TENM2: variants seen among roughly 807,000 people sequenced by gnomAD.
The protein encoded by TENM2 is teneurin transmembrane protein 2.
A neutral mutation model predicts 245.2 loss-of-function variants in TENM2; 52 were observed. That is an observed-to-expected ratio of 0.21 (90% confidence interval 0.17 to 0.27). The LOEUF is 0.27. Among genes scored for constraint, TENM2 ranks in the 10% least tolerant of loss-of-function variants. The pLI is 1.00. For missense variants in TENM2, 3,046 were observed against 3,666.8 expected, an observed-to-expected ratio of 0.83 and a Z score of 4.37; for synonymous variants, 1,363 against 1,438.9, an observed-to-expected ratio of 0.95 and a Z score of 1.19.
Position 167,388,083 on chromosome 5 carries a change from A to G in TENM2, c.502+12610A>G, listed in dbSNP as rs557387045. On this transcript the variant is annotated intron_variant, in intron 2 of 28. Coordinates refer to ENST00000518659, the Ensembl canonical transcript of TENM2. ...TTTCTGTATCTTGTGGAATAGTGTC[A>G]ATAGGATTGGTGCCAATTCTTTGAA... 2.6e-5 allele frequency among the ~76,000 whole-genome samples: 4 copies of G among 152,224 alleles called. No homozygotes were observed. In the East Asian group the frequency reaches 5.8e-4, roughly 22 times the overall value.
chr5:168,046,177 G>A (rs982560026), intron 5 of TENM2, among the ~76,000 whole-genome samples: 2 of 152,182 alleles, frequency 1.3e-5, no homozygotes, highest in Non-Finnish European at 2.9e-5. Flanking sequence ...AATGCAGTCT[G>A]ACTTTACGTG....
chr5:167,175,834 C>T, the TENM2 span, among the ~76,000 whole-genome samples: 5 of 152,184 alleles, frequency 3.3e-5, no homozygotes, highest in Non-Finnish European at 5.9e-5. Context: ...CTCAGCCCCC[C>T]GAGTAGCTGG....
chr5:167,913,887 C>T (rs777775182), intron 3 of TENM2, among the ~76,000 whole-genome samples: 27 of 152,194 alleles, frequency 1.8e-4, no homozygotes, highest in Non-Finnish European at 5.9e-5. Flanking sequence ...GACATATGCA[C>T]AGAGTTTAGT....
chr5:167,308,153 C>T (rs1021225719), intron 1 of TENM2: 1 of 152,454 alleles, frequency 6.6e-6, no homozygotes, highest in South Asian at 2.1e-4. Flanking sequence ...CTCACTCATT[C>T]CTCTGCACTA....
At chr5:167,110,583 T>TAA in the TENM2 span, among the ~76,000 whole-genome samples, 2 of 152,330 alleles carry the variant, frequency 1.3e-5, no homozygotes, top group East Asian at 3.9e-4. Flanking sequence ...AATATACAGT[T>TAA]AATTGATTGG....
chr5:168,194,511 G>A (rs1761215535), intron 14 of TENM2, among the ~76,000 whole-genome samples: 1 of 152,058 alleles, frequency 6.6e-6, no homozygotes, highest in Non-Finnish European at 1.5e-5. Context: ...AGAGAAATAT[G>A]TAGTAACACA....
At chr5:167,856,805 C>G (rs1313850740) in intron 2 of TENM2, among the ~76,000 whole-genome samples, 1 of 152,200 alleles carries the variant, frequency 6.6e-6, no homozygotes, top group Non-Finnish European at 1.5e-5. Context: ...TTGTCTACAG[C>G]CTTGCTGACA....
At chr5:168,112,631 T>G (rs1310953857) in intron 9 of TENM2, among the ~76,000 whole-genome samples, 2 of 150,174 alleles carry the variant, frequency 1.3e-5, no homozygotes, top group South Asian at 2.2e-4. Flanking sequence ...ACTTTATTAC[T>G]TTTCTACCAG....
rs139219529 is a variant in TENM2, at chr5:167,953,639, G to A, written c.947+817G>A. 2.5e-3 allele frequency among the ~76,000 whole-genome samples: 383 copies of A among 152,298 alleles called. 2 individuals are homozygous for A. The highest frequency in any genetic ancestry group is 7.7e-3 in the African/African-American group (322 of 41,566). On this transcript the variant is annotated intron_variant, in intron 4 of 28. Coordinates refer to ENST00000518659, the Ensembl canonical transcript of TENM2. ...CCCCAGGCACATTCTTGGTTTGTGT[G>A]TTTCAAATGCTATTGTTTCCTTGTC...
chr5:167,814,453 CA>C (rs11324953), intron 2 of TENM2, among the ~76,000 whole-genome samples: 7,374 of 83,872 alleles, frequency 0.088, 177 homozygotes, highest in Non-Finnish European at 0.12. Context: ...CACTCCGATT[CA>C]AAAAAAAAAA....
At chr5:167,449,543 GA>G (rs1765443274) in intron 2 of TENM2, among the ~76,000 whole-genome samples, 1 of 151,700 alleles carries the variant, frequency 6.6e-6, no homozygotes, top group Non-Finnish European at 1.5e-5. Context: ...TAGATAGATA[GA>G]TAGATAGATA....
At chr5:168,245,625 C>A (rs771305495) in intron 26 of TENM2, among the ~76,000 whole-genome samples, 103 of 151,450 alleles carry the variant, frequency 6.8e-4, no homozygotes, top group Non-Finnish European at 1.2e-3. Flanking sequence ...CTTTTGAAGG[C>A]TGCCCTGGCC....
chr5:168,113,192 C>T (rs566069034), intron 9 of TENM2, among the ~76,000 whole-genome samples: 105 of 151,986 alleles, frequency 6.9e-4, no homozygotes, highest in African/African-American at 2.4e-3. Flanking sequence ...TGGTGGTGCA[C>T]ACCTGTGGTC....
intron 25 of TENM2, among the ~76,000 whole-genome samples, chr5:168,242,229 G>A (rs146800415): frequency 9.2e-5 from 14 of 152,278 alleles, no homozygotes; most frequent in South Asian, 8.3e-4. Context: ...AGGAAGCTGC[G>A]AAATGTGTTT....
the TENM2 span, among the ~76,000 whole-genome samples, chr5:167,039,391 T>G: frequency 6.6e-6 from 1 of 152,294 alleles, no homozygotes; most frequent in Middle Eastern, 3.4e-3. Context: ...TTCTAGGTAT[T>G]GATAGGGTGT....
the TENM2 span, among the ~76,000 whole-genome samples, chr5:167,109,041 G>T: frequency 2.0e-5 from 3 of 152,044 alleles, no homozygotes; most frequent in Non-Finnish European, 4.4e-5. Context: ...TAATGAAAAG[G>T]CAATTAACGT....
At chr5:167,102,176 A>C in the TENM2 span, among the ~76,000 whole-genome samples, 1 of 151,300 alleles carries the variant, frequency 6.6e-6, no homozygotes, top group East Asian at 2.0e-4. Flanking sequence ...CAATGAGCTG[A>C]GATTGTGCCA....
chr5:167,358,467 TTC>T (rs915899467), intron 1 of TENM2, among the ~76,000 whole-genome samples: 7 of 18,044 alleles, frequency 3.9e-4, no homozygotes, highest in Admixed American at 9.8e-4. Flanking sequence ...CACTCCTTTC[TTC>T]TTTTTTTTTT....
At chr5:168,112,332 C>T (rs1352940062) in intron 9 of TENM2, among the ~76,000 whole-genome samples, 1 of 151,948 alleles carries the variant, frequency 6.6e-6, no homozygotes, top group Non-Finnish European at 1.5e-5. Context: ...AGGTATTAAG[C>T]CTAGCGCCCA....
Sources: allele counts gnomAD v4.1 joint callset (sites outside exome capture counted in the v4.1 genomes callset), GRCh38; gene constraint gnomAD v4.1.1; transcripts MANE v1.5; gene names NCBI Gene and HGNC (gene_info 2026-07-23, HGNC 2026-07-21).